UVSSA: variants seen among roughly 807,000 people sequenced by gnomAD.
The protein encoded by UVSSA is UV stimulated scaffold protein A, also known as UV-stimulated scaffold protein A.
In UVSSA, 72 loss-of-function variants were observed where a neutral mutation model predicts 73.9. The observed-to-expected ratio is 0.97, with a 90% confidence interval of 0.81 to 1.19. The LOEUF (loss-of-function observed/expected upper bound fraction) is 1.19, where lower values mean the gene tolerates loss of function less well. UVSSA is among the 50% of genes most tolerant of loss of function. UVSSA has a pLI of 0.00. For synonymous variants in UVSSA, 454 were observed against 391.3 expected (o/e 1.16, Z -1.89); for missense variants, 1,150 against 965.0 (o/e 1.19, Z -2.54).
rs767271099 is a variant in UVSSA, at chr4:1,380,990, T to G, written c.1861+2T>G. The G allele has an allele frequency of 6.2e-7, 1 of 1,611,382 alleles. No individual in the cohort carries two copies. Among genetic ancestry groups the G allele is most frequent in the Non-Finnish European group, 8.5e-7 (1 of 1,179,546 alleles). On this transcript the variant is annotated splice_donor_variant, in intron 12 of 13. Coordinates refer to ENST00000389851, the MANE Select transcript of UVSSA (RefSeq NM_020894.4). LOFTEE classifies it high-confidence loss of function. ...AGCTGCAGAAGCAGGAGCGCCCGGG[T>G]AGGTCTGGGCAAGGCGGTCACCGTG...
At chr4:1,345,724 C>T (rs140647711), upstream of UVSSA, among the ~76,000 whole-genome samples, 642 of 146,518 alleles carry the variant, frequency 4.4e-3, 1 homozygote, top group Middle Eastern at 0.011. Context: ...GGCAGCTTGG[C>T]TGTGCTGTTG....
chr4:1,348,880 G>T (rs530068388), intron 2 of UVSSA, among the ~76,000 whole-genome samples: 1 of 152,344 alleles, frequency 6.6e-6, no homozygotes, highest in East Asian at 1.9e-4. Context: ...GAGGGGCTGG[G>T]AGATGTCCCG....
chr4:1,366,995 G>A (rs1717414792), intron 8 of UVSSA, among the ~76,000 whole-genome samples: 1 of 152,190 alleles, frequency 6.6e-6, no homozygotes, highest in Non-Finnish European at 1.5e-5. Flanking sequence ...GGTGGGAGGG[G>A]CCACCACCCC....
At chr4:1,377,531 G>T (rs1560477818) in intron 10 of UVSSA, among the ~76,000 whole-genome samples, 1 of 152,092 alleles carries the variant, frequency 6.6e-6, no homozygotes, top group East Asian at 1.9e-4. Flanking sequence ...CACCAGGGGT[G>T]CCCCAAGGCC....
chr4:1,373,903 G>A (rs1296297121), intron 8 of UVSSA, among the ~76,000 whole-genome samples: 1 of 152,134 alleles, frequency 6.6e-6, no homozygotes, highest in Non-Finnish European at 1.5e-5. Flanking sequence ...TGTCTTTGGT[G>A]GAGGCATCTT....
In UVSSA at chr4:1,386,100, T is replaced by C. The variant is rs1720088977; in HGVS notation, c.*139T>C. ...GATGTAAAGAAATGGTGTGTTGCAA[T>C]GCCCTGAAGGTACGGCCGCTCTGCT... On this transcript the variant is annotated 3_prime_UTR_variant, in exon 14 of 14. Transcript: ENST00000389851. 3 of 911,700 alleles carry C rather than the reference T, an allele frequency of 3.3e-6. No homozygotes were observed. In the South Asian group the frequency reaches 4.7e-5, roughly 14 times the overall value. 56.5% of individuals were successfully genotyped at this position (911,700 alleles called of 1,614,324 possible). A position where few individuals can be genotyped will look rare whatever the true frequency, so the allele number is the denominator to read the frequency against.
chr4:1,385,751 G>A, intron 13 of UVSSA, 117 bp from the exon 14 acceptor site: 1 of 1,028,224 alleles, frequency 9.7e-7, no homozygotes, highest in Non-Finnish European at 1.5e-6. Flanking sequence ...CAGTCTGTCA[G>A]TGTCCGAGGG....
At position 1,365,801 on chromosome 4, in the gene UVSSA, A is replaced by C. The variant is rs972656256; in HGVS notation, c.1177-519A>C. Among the ~76,000 whole-genome samples, 124 of 144,432 alleles carry C rather than the reference A, an allele frequency of 8.6e-4. 1 individual carries two copies. Among genetic ancestry groups the C allele is most frequent in the African/African-American group, 2.9e-3 (113 of 38,698 alleles). The allele number at this position is 144,432 out of a possible 152,430, so 94.8% of individuals were successfully genotyped here. On this transcript the variant is annotated intron_variant, in intron 7 of 13. Transcript: ENST00000389851. ...GCTCCACCTGGTGGGAAGATAACTC[A>C]CCTAAGCCCCGGGGGCACCGCAGAC...
At chr4:1,366,921 G>A (rs565846661) in intron 8 of UVSSA, among the ~76,000 whole-genome samples, 8 of 152,190 alleles carry the variant, frequency 5.3e-5, no homozygotes, top group Non-Finnish European at 7.4e-5. Context: ...GTGGGCTCTC[G>A]TGGGCTCCTT....
chr4:1,364,406 G>A (rs1218368520), intron 7 of UVSSA, among the ~76,000 whole-genome samples: 3 of 152,204 alleles, frequency 2.0e-5, no homozygotes, highest in Admixed American at 6.5e-5. Context: ...GCTTGGAGCC[G>A]CAGTCCCCTG....
At chr4:1,382,802 C>T (rs931961931) in intron 12 of UVSSA, among the ~76,000 whole-genome samples, 21 of 152,278 alleles carry the variant, frequency 1.4e-4, no homozygotes, top group Admixed American at 3.3e-4. Context: ...GATGTGCCCC[C>T]GTGGCCTGGT....
chr4:1,366,236 G>C lies in UVSSA; in HGVS notation c.1177-84G>C, dbSNP rs542202414. 6 of 1,086,600 alleles carry C rather than the reference G, an allele frequency of 5.5e-6. No individual in the cohort carries two copies. In the African/African-American group the frequency reaches 9.4e-5, roughly 17 times the overall value. The allele number at this position is 1,086,600 out of a possible 1,614,324, so 67.3% of individuals were successfully genotyped here. On this transcript the variant is annotated intron_variant, in intron 7 of 13. Transcript: ENST00000389851. ...AGGGGAAAAAGCTCCACAAGAAATA[G>C]GAATTTCCAGGGCTCTGCCCACCGG...
chr4:1,354,916 T>G, intron 6 of UVSSA, 69 bp downstream of exon 6: 7 of 1,433,972 alleles, frequency 4.9e-6, no homozygotes, highest in African/African-American at 1.5e-5. Flanking sequence ...GGGGGGTCCC[T>G]TTCTTGGGGG....
rs1456071254 is a variant in UVSSA, at chr4:1,379,818, GCA to G, written c.1569-228_1569-227del. Among the ~76,000 whole-genome samples the G allele has an allele frequency of 5.5e-3, 120 of 21,850 alleles. 2 individuals carry two copies. The highest frequency in any genetic ancestry group is 0.038 in the African/African-American group (112 of 2,948). The allele number at this position is 21,850 out of a possible 152,430, so 14.3% of individuals were successfully genotyped here. A position where few individuals can be genotyped will look rare whatever the true frequency, so the allele number is the denominator to read the frequency against. On this transcript the variant is annotated intron_variant, in intron 10 of 13. Coordinates refer to ENST00000389851, the MANE Select transcript of UVSSA (RefSeq NM_020894.4). Reference sequence around the variant, plus strand: ...CGTGGTCGCGCGGCTGGTTCACGTGGCATCAGAATTCAGACGCAGGCGGTCGT... The same window carrying G: ...CGTGGTCGCGCGGCTGGTTCACGTGGTCAGAATTCAGACGCAGGCGGTCGT...
chr4:1,364,385 G>A (rs1463687265), intron 7 of UVSSA, among the ~76,000 whole-genome samples: 3 of 152,312 alleles, frequency 2.0e-5, no homozygotes, highest in Non-Finnish European at 2.9e-5. Context: ...GCCTGGCTCC[G>A]TGGGGGCTGG....
chr4:1,354,668 G>A (rs1715379163), intron 5 of UVSSA, 67 bp from the exon 6 acceptor site: 14 of 1,446,340 alleles, frequency 9.7e-6, no homozygotes, highest in Non-Finnish European at 1.1e-5. Flanking sequence ...TGCATGGTCT[G>A]CCTCTCCGGG....
chr4:1,346,460 C>A (rs1713693969), upstream of UVSSA, among the ~76,000 whole-genome samples: 1 of 152,232 alleles, frequency 6.6e-6, no homozygotes, highest in Non-Finnish European at 1.5e-5. Context: ...TCGCACTCCC[C>A]TGCGTTCGAG....
intron 8 of UVSSA, chr4:1,374,929 A>C (rs903668410): frequency 5.6e-6 from 1 of 180,012 alleles, no homozygotes; most frequent in Non-Finnish European, 1.2e-5. Flanking sequence ...AGCGGCTGCC[A>C]CCTCAGGCTT....
At chr4:1,346,228 G>C (rs1713664421), upstream of UVSSA, among the ~76,000 whole-genome samples, 1 of 152,220 alleles carries the variant, frequency 6.6e-6, no homozygotes, top group Non-Finnish European at 1.5e-5. Context: ...ACAGAGTTGT[G>C]AGCTACCACC....
Sources: allele counts gnomAD v4.1 joint callset (sites outside exome capture counted in the v4.1 genomes callset), GRCh38; gene constraint gnomAD v4.1.1; transcripts MANE v1.5; gene names NCBI Gene and HGNC (gene_info 2026-07-23, HGNC 2026-07-21).